Variants in MBD2 observed in about 807,000 individuals in gnomAD.
The protein encoded by MBD2 is methyl-CpG binding domain protein 2.
Under a neutral mutation model 39.3 loss-of-function variants are expected in MBD2, and 9 were observed. That is an observed-to-expected ratio of 0.23 (90% CI 0.14 to 0.40). The LOEUF is 0.40. MBD2 is among the 10% of genes least tolerant of loss of function. The pLI is 1.00. For synonymous variants in MBD2, 233 were observed against 211.1 expected, an observed-to-expected ratio of 1.10 and a Z score of -0.90; for missense variants, 458 against 532.6, an observed-to-expected ratio of 0.86 and a Z score of 1.38.
chr18:54,220,214 G>A lies in MBD2; in HGVS notation c.542+3804C>T, dbSNP rs368513186. On this transcript the variant is annotated intron_variant, in intron 1 of 6. Coordinates refer to ENST00000256429, the MANE Select transcript of MBD2 (RefSeq NM_003927.5). ...GTTATGCAAGCAACTAGAAATGACA[G>A]GAGTCAAGTAGACAAGTTAGAAAGT... Among the ~76,000 whole-genome samples the A allele has an allele frequency of 1.7e-4, 26 of 152,238 alleles. No individual in the cohort carries two copies. In the East Asian group the frequency reaches 4.6e-3, roughly 27 times the overall value.
intron 2 of MBD2, among the ~76,000 whole-genome samples, chr18:54,203,280 T>C (rs566937348): frequency 1.3e-5 from 2 of 152,336 alleles, no homozygotes; most frequent in Admixed American, 6.5e-5. Flanking sequence ...GCCCCTTTTA[T>C]AGGTACCCAG....
At chr18:54,162,792 T>G (rs776074635) in intron 5 of MBD2, among the ~76,000 whole-genome samples, 26 of 152,208 alleles carry the variant, frequency 1.7e-4, no homozygotes, top group Non-Finnish European at 3.2e-4. Context: ...AAATAAAGTT[T>G]TTAAGAAACT....
intron 2 of MBD2, among the ~76,000 whole-genome samples, chr18:54,193,075 A>C (rs1440963004): frequency 1.3e-5 from 2 of 152,252 alleles, no homozygotes; most frequent in African/African-American, 4.8e-5. Context: ...CAATCTGTAA[A>C]GCTGGACTAA....
At position 54,210,932 on chromosome 18, in the gene MBD2, C is replaced by T. The variant is rs1035781812; in HGVS notation, c.543-5775G>A. ...TGTCGCCCAGGCTGGAGTGCAGTGG[C>T]GGGATCTCGGCTCACTGCAAGCTCC... On this transcript the variant is annotated intron_variant, in intron 1 of 6. Coordinates refer to ENST00000256429, the MANE Select transcript of MBD2 (RefSeq NM_003927.5). Among the ~76,000 whole-genome samples, 47 of 132,350 alleles carry T rather than the reference C, an allele frequency of 3.6e-4. 1 individual carries two copies. The highest frequency in any genetic ancestry group is 1.3e-3 in the African/African-American group (43 of 34,120). The allele number at this position is 132,350 out of a possible 152,430, so 86.8% of individuals were successfully genotyped here.
intron 2 of MBD2, among the ~76,000 whole-genome samples, chr18:54,192,128 C>G (rs1046696351): frequency 1.3e-5 from 2 of 152,188 alleles, no homozygotes; most frequent in Non-Finnish European, 1.5e-5. Context: ...CAACAGTAGA[C>G]AATATTCAAT....
intron 3 of MBD2, 27 bp from the exon 4 acceptor site, chr18:54,166,193 AGATACATTTTT>A: frequency 7.1e-7 from 1 of 1,413,930 alleles, no homozygotes; most frequent in Non-Finnish European, 1.0e-6. Context: ...CACTGTTAAT[AGATACATTTTT>A]GAAACAAGAA....
chr18:54,176,734 A>G (rs922213714), intron 3 of MBD2, among the ~76,000 whole-genome samples: 3 of 152,246 alleles, frequency 2.0e-5, no homozygotes, highest in Admixed American at 2.0e-4. Flanking sequence ...GCAAACATCA[A>G]AGATCAAGTA....
chr18:54,196,132 T>C (rs2144319588), intron 2 of MBD2, among the ~76,000 whole-genome samples: 1 of 152,348 alleles, frequency 6.6e-6, no homozygotes, highest in African/African-American at 2.4e-5. Flanking sequence ...ATTCACTAAT[T>C]TGTGCAACTT....
intron 2 of MBD2, among the ~76,000 whole-genome samples, chr18:54,204,269 T>C (rs2086431609): frequency 1.3e-5 from 2 of 152,014 alleles, no homozygotes; most frequent in South Asian, 2.1e-4. Flanking sequence ...TAAGAAAAAA[T>C]AGTCACATAT....
chr18:54,201,871 A>T (rs1031520552), intron 2 of MBD2, among the ~76,000 whole-genome samples: 1 of 152,040 alleles, frequency 6.6e-6, no homozygotes, highest in African/African-American at 2.4e-5. Context: ...TCAAAAAAAA[A>T]AAAAAAAGAC....
intron 6 of MBD2, among the ~76,000 whole-genome samples, chr18:54,156,129 T>C (rs773283270): frequency 3.3e-5 from 5 of 152,218 alleles, no homozygotes; most frequent in Non-Finnish European, 2.9e-5. Context: ...GTCCTACCTA[T>C]ACCACAGGTT....
At chr18:54,223,769 T>C (rs1166884080) in intron 1 of MBD2, among the ~76,000 whole-genome samples, 2 of 152,170 alleles carry the variant, frequency 1.3e-5, no homozygotes, top group Non-Finnish European at 2.9e-5. Flanking sequence ...GCTAACCCTT[T>C]CTTCGCAAAC....
At chr18:54,161,211 A>C (rs994890573) in intron 5 of MBD2, among the ~76,000 whole-genome samples, 13 of 152,222 alleles carry the variant, frequency 8.5e-5, no homozygotes, top group African/African-American at 3.1e-4. Context: ...ACATATATGT[A>C]CTGCTTCCCA....
chr18:54,210,470 G>A (rs759641715), intron 1 of MBD2, among the ~76,000 whole-genome samples: 6 of 152,134 alleles, frequency 3.9e-5, no homozygotes, highest in Non-Finnish European at 5.9e-5. Context: ...CAGAAGACCT[G>A]CTGCCTGCAT....
chr18:54,219,138 T>C (rs2086587440), intron 1 of MBD2, among the ~76,000 whole-genome samples: 1 of 152,216 alleles, frequency 6.6e-6, no homozygotes, highest in Admixed American at 6.5e-5. Flanking sequence ...TGCCGATTTC[T>C]CACTTGTGTC....
intron 2 of MBD2, among the ~76,000 whole-genome samples, chr18:54,195,152 T>C (rs1334114233): frequency 6.6e-6 from 1 of 152,116 alleles, no homozygotes; most frequent in Non-Finnish European, 1.5e-5. Context: ...CATCCATGTC[T>C]ATGAATATCA....
intron 2 of MBD2, among the ~76,000 whole-genome samples, chr18:54,190,599 T>C (rs912512755): frequency 8.5e-5 from 13 of 152,354 alleles, no homozygotes; most frequent in African/African-American, 3.1e-4. Context: ...TCAGTGTTTA[T>C]CATTAGAAGT....
intron 3 of MBD2, among the ~76,000 whole-genome samples, chr18:54,177,811 A>AT (rs1417384683): frequency 3.0e-4 from 29 of 97,726 alleles, no homozygotes; most frequent in South Asian, 1.7e-3. Context: ...AACAGGCACT[A>AT]TTTTTTTTTT....
At chr18:54,220,554 A>G (rs920490587) in intron 1 of MBD2, among the ~76,000 whole-genome samples, 3 of 152,222 alleles carry the variant, frequency 2.0e-5, no homozygotes, top group African/African-American at 7.2e-5. Context: ...ATTTGTTTAA[A>G]TTAATCTCCC....
Sources: allele counts gnomAD v4.1 joint callset (sites outside exome capture counted in the v4.1 genomes callset), GRCh38; gene constraint gnomAD v4.1.1; transcripts MANE v1.5; gene names NCBI Gene and HGNC (gene_info 2026-07-23, HGNC 2026-07-21).